The following ANK1 variants were observed in gnomAD, a reference collection of about 807,000 sequenced individuals.
ANK1 encodes ankyrin-1.
ANK1 carries 51 observed loss-of-function variants against 210.4 expected under a neutral mutation model. That is an observed-to-expected ratio of 0.24 (90% confidence interval 0.19 to 0.31). The LOEUF is 0.31. Among genes scored for constraint, ANK1 ranks in the 10% least tolerant of loss-of-function variants. ANK1 has a pLI of 1.00. For synonymous variants in ANK1, 967 were observed against 1,025.9 expected, an observed-to-expected ratio of 0.94 and a Z score of 1.10; for missense variants, 2,051 against 2,504.4, an observed-to-expected ratio of 0.82 and a Z score of 3.86.
intron 2 of ANK1, among the ~76,000 whole-genome samples, chr8:41,750,286 G>C (rs768030768): frequency 6.6e-6 from 1 of 152,098 alleles, no homozygotes; most frequent in Non-Finnish European, 1.5e-5. Context: ...ATGGTTTCAC[G>C]TGCTTTCCTG....
Position 41,708,969 on chromosome 8 carries a change from A to G in ANK1, c.1807T>C (p.Tyr603His), listed in dbSNP as rs1277285460. 4 of 1,614,024 alleles carry G rather than the reference A, an allele frequency of 2.5e-6. No individual in the cohort carries two copies. In the South Asian group the frequency reaches 3.3e-5, roughly 13 times the overall value. The stretch of plus-strand genomic sequence containing the variant: ...TTGGCAGCGATGTGCAAAGGGGTGT[A>G]GCCATTCTGAAACAGAAGAAGCCGC... ...GSPHSPAWNGYTPLHIAAKQN... is the reference protein window; with the variant it reads ...GSPHSPAWNGHTPLHIAAKQN... Residue 603 changes from tyrosine to histidine, a missense_variant, in exon 17 of 43, where the codon TAC (tyrosine) becomes CAC (histidine). Tyr to His is a moderately conservative substitution (Grantham distance 83). Coordinates refer to ENST00000289734, the MANE Select transcript of ANK1 (RefSeq NM_000037.4).
rs574669030 is a variant in ANK1 at position 41,672,328 on chromosome 8, C to A, written c.5096+26G>T. The stretch of plus-strand genomic sequence containing the variant: ...CAGGAGCCCAGAAGACAAAAAGGGA[C>A]CCTGCTCCCACAGTCAAGCTCTTAC... On this transcript the variant is annotated intron_variant, in intron 38 of 42. Coordinates refer to ENST00000289734, the MANE Select transcript of ANK1 (RefSeq NM_000037.4). 3.8e-5 allele frequency: 61 copies of A among 1,612,106 alleles called. No individual in the cohort carries two copies. The South Asian group carries it at 5.7e-4, about 15-fold the overall frequency.
intron 1 of ANK1, among the ~76,000 whole-genome samples, chr8:41,855,674 G>A (rs1437500866): frequency 1.3e-5 from 2 of 152,224 alleles, no homozygotes; most frequent in Non-Finnish European, 2.9e-5. Context: ...GTGGACACGA[G>A]AAGATTTGGA....
At chr8:41,771,915 C>G (rs1843041684) in intron 1 of ANK1, among the ~76,000 whole-genome samples, 1 of 152,184 alleles carries the variant, frequency 6.6e-6, no homozygotes, top group African/African-American at 2.4e-5. Flanking sequence ...ATTTCACGAG[C>G]TGGAAGAACA....
In ANK1 at chr8:41,793,081, A is replaced by G. The variant is rs151138196; in HGVS notation, c.27+4431T>C. On this transcript the variant is annotated intron_variant, in intron 1 of 42. Coordinates refer to ENST00000289734, the MANE Select transcript of ANK1 (RefSeq NM_000037.4). ...AGCAATTATTGTGGGAGTTCTGAAT[A>G]AGAAGTAGTCCAGGGCCGAGTGCGG... 8.8e-3 allele frequency among the ~76,000 whole-genome samples: 1,346 copies of G among 152,318 alleles called. 17 individuals carry two copies. Among genetic ancestry groups the G allele is most frequent in the Non-Finnish European group, 0.011 (733 of 68,024 alleles).
intron 33 of ANK1, among the ~76,000 whole-genome samples, chr8:41,689,914 T>C (rs1049247976): frequency 8.5e-5 from 13 of 152,164 alleles, no homozygotes; most frequent in Non-Finnish European, 1.6e-4. Flanking sequence ...TTAGGGCCCC[T>C]TGTCACTTTC....
chr8:41,813,391 A>C (rs568880588), intron 1 of ANK1, among the ~76,000 whole-genome samples: 1 of 152,322 alleles, frequency 6.6e-6, no homozygotes, highest in East Asian at 1.9e-4. Context: ...TATTAAGAAA[A>C]TTCAGGTTCC....
rs112189561 is a variant in ANK1 at position 41,654,521 on chromosome 8, A to T, written c.*1269T>A. On this transcript the variant is annotated 3_prime_UTR_variant, in exon 43 of 43. Transcript: ENST00000289734. ...CAGGCTGCCTGGACTTAGAGCACCA[A>T]GTTCACTCTGGGAGACCCTGGGTGG... is the stretch of plus-strand genomic sequence containing the variant. 6.6e-6 allele frequency: 1 copy of T among 152,492 alleles called. No individual in the cohort carries two copies. Among genetic ancestry groups the T allele is most frequent in the African/African-American group, 2.4e-5 (1 of 41,446 alleles). The allele number at this position is 152,492 out of a possible 1,614,324, so 9.4% of individuals were successfully genotyped here.
chr8:41,737,878 C>T (rs1050014423), intron 2 of ANK1, among the ~76,000 whole-genome samples: 5 of 152,184 alleles, frequency 3.3e-5, no homozygotes, highest in South Asian at 4.1e-4. Flanking sequence ...TGCCATCAAA[C>T]GCTGAGCAAT....
chr8:41,705,913 C>G (rs1824436919), intron 18 of ANK1, among the ~76,000 whole-genome samples: 1 of 152,200 alleles, frequency 6.6e-6, no homozygotes, highest in Non-Finnish European at 1.5e-5. Flanking sequence ...TAAACATTCG[C>G]CCCACTTTCT....
intron 1 of ANK1, among the ~76,000 whole-genome samples, chr8:41,778,361 T>G (rs1844559968): frequency 6.6e-6 from 1 of 151,808 alleles, no homozygotes; most frequent in Non-Finnish European, 1.5e-5. Context: ...TTCAAGGGAG[T>G]GGCTGAGATC....
intron 39 of ANK1, chr8:41,664,850 C>G: frequency 6.2e-7 from 1 of 1,612,848 alleles, no homozygotes; most frequent in Non-Finnish European, 8.5e-7. Context: ...AGATGGTCTC[C>G]TCGTCGTCAC....
chr8:41,731,166 G>A (rs1023653409), intron 3 of ANK1, among the ~76,000 whole-genome samples: 1 of 152,238 alleles, frequency 6.6e-6, no homozygotes, highest in African/African-American at 2.4e-5. Context: ...CCTGGCCTAA[G>A]TTGTGGGAGT....
chr8:41,668,190 G>A, intron 39 of ANK1, 77 bp downstream of exon 39: 2 of 1,597,684 alleles, frequency 1.3e-6, no homozygotes, highest in Non-Finnish European at 1.7e-6. Context: ...TTGAGTGCCT[G>A]AGAGGCAGCC....
At chr8:41,661,136 A>G in intron 42 of ANK1, 1 of 432,978 alleles carries the variant, frequency 2.3e-6, no homozygotes, top group South Asian at 2.1e-5. Context: ...TCGACCTCAC[A>G]AAATGCTGGG....
chr8:41,748,433 G>A (rs2150696741), intron 2 of ANK1, among the ~76,000 whole-genome samples: 1 of 152,268 alleles, frequency 6.6e-6, no homozygotes, highest in African/African-American at 2.4e-5. Flanking sequence ...TACAGATCTA[G>A]CTCTAACCTC....
At chr8:41,684,194 C>T (rs1335143498) in intron 37 of ANK1, among the ~76,000 whole-genome samples, 5 of 152,264 alleles carry the variant, frequency 3.3e-5, no homozygotes, top group Non-Finnish European at 7.3e-5. Flanking sequence ...ACCGGAAAGT[C>T]TGCAGCTGTG....
chr8:41,688,221 C>A lies in ANK1; in HGVS notation c.4193G>T (p.Ser1398Ile). 2.5e-6 allele frequency: 4 copies of A among 1,614,214 alleles called. No individual in the cohort carries two copies. The South Asian group carries it at 3.3e-5, about 13-fold the overall frequency. The change falls in exon 35 of 43, where the codon AGT (serine) becomes ATT (isoleucine). Residue 1398 changes from serine (S) to isoleucine (I), a missense_variant. This residue lies in a region of ANK1 where 1,413 missense variants were observed against 1,707.4 expected (regional missense o/e 0.83). Transcript: ENST00000289734. ...CTTCATCTCTGCCTGCTCTGTCCCA[C>A]TGAGAGAACCTGGGGAGAAGCATTA... ...ILSESTPGSL[S>I]GTEQAEMKMA...
intron 1 of ANK1, among the ~76,000 whole-genome samples, chr8:41,895,825 A>T (rs1820375472): frequency 6.6e-6 from 1 of 150,658 alleles, no homozygotes; most frequent in Non-Finnish European, 1.5e-5. Flanking sequence ...CAGGAGCCCG[A>T]CTCTCGTTCA....
Sources: allele counts gnomAD v4.1 joint callset (sites outside exome capture counted in the v4.1 genomes callset), GRCh38; gene constraint gnomAD v4.1.1; regional missense constraint gnomAD v4.1.1; transcripts MANE v1.5; gene names NCBI Gene and HGNC (gene_info 2026-07-23, HGNC 2026-07-21).